The following TFB1M variants were observed in gnomAD, a reference collection of about 807,000 sequenced individuals.
TFB1M encodes dimethyladenosine transferase 1, mitochondrial.
Under a neutral mutation model 31.1 loss-of-function variants are expected in TFB1M, and 27 were observed. The observed-to-expected ratio is 0.87, with a 90% CI of 0.64 to 1.20. The LOEUF is 1.20. Among genes scored for constraint, TFB1M ranks in the 50% most tolerant of loss-of-function variants. TFB1M has a pLI of 0.00. For missense variants in TFB1M, 394 were observed against 418.7 expected (o/e 0.94, Z 0.51); for synonymous variants, 166 against 151.8 (o/e 1.09, Z -0.69).
chr6:155,304,956 A>T (rs758032460), intron 2 of TFB1M, among the ~76,000 whole-genome samples: 1 of 150,960 alleles, frequency 6.6e-6, no homozygotes, highest in Non-Finnish European at 1.5e-5. Context: ...TACTAAGGCA[A>T]TTCAATGAGG....
the TFB1M span, chr6:155,244,581 T>C: frequency 2.7e-6 from 4 of 1,504,424 alleles, no homozygotes; most frequent in Non-Finnish European, 3.6e-6. Context: ...TGTGATTTAT[T>C]TGTGGGCCTA....
intron 5 of TFB1M, among the ~76,000 whole-genome samples, chr6:155,265,459 T>C (rs1166439110): frequency 1.3e-5 from 2 of 151,634 alleles, no homozygotes; most frequent in East Asian, 3.9e-4. Context: ...GGTCAGTACA[T>C]TCGTATATTC....
chr6:155,287,673 G>A (rs1310587161), intron 4 of TFB1M, among the ~76,000 whole-genome samples: 1 of 151,942 alleles, frequency 6.6e-6, no homozygotes, highest in Non-Finnish European at 1.5e-5. Flanking sequence ...AGAAGGGAAA[G>A]AAAGGGGATA....
chr6:155,254,009 C>T (rs143636859), downstream of TFB1M: 337 of 1,614,020 alleles, frequency 2.1e-4, 1 homozygote, highest in African/African-American at 3.7e-3. Context: ...CTGATCCATA[C>T]GAAGTCAGAA....
chr6:155,244,828 G>A, the TFB1M span: 20 of 1,561,574 alleles, frequency 1.3e-5, no homozygotes, highest in Non-Finnish European at 4.3e-6. Context: ...ACGTGGCTAT[G>A]GTACGTATTT....
At chr6:155,275,062 C>CAA (rs748259610) in intron 5 of TFB1M, among the ~76,000 whole-genome samples, 13 of 133,448 alleles carry the variant, frequency 9.7e-5, no homozygotes, top group Admixed American at 8.2e-4. Context: ...ACTAAAAATA[C>CAA]AAAAAAAAAA....
downstream of TFB1M, chr6:155,252,998 A>C: frequency 1.2e-6 from 2 of 1,614,060 alleles, no homozygotes; most frequent in Non-Finnish European, 1.7e-6. Flanking sequence ...ACCCATTTAA[A>C]TTCCGCTGGT....
the TFB1M span, chr6:155,251,011 C>T: frequency 1.2e-6 from 2 of 1,613,884 alleles, no homozygotes; most frequent in Non-Finnish European, 1.7e-6. Context: ...ACCTTGAGCT[C>T]ACAGTATTTG....
At chr6:155,314,264 A>AG (rs767167939) in intron 1 of TFB1M, 32 bp downstream of exon 1, 2 of 1,611,272 alleles carry the variant, frequency 1.2e-6, no homozygotes, top group African/African-American at 2.7e-5. Context: ...GACACTGGGG[A>AG]GACATCCGGG....
intron 1 of TFB1M, among the ~76,000 whole-genome samples, chr6:155,312,296 C>CA (rs1778049735): frequency 1.3e-5 from 2 of 152,332 alleles, no homozygotes; most frequent in African/African-American, 4.8e-5. Context: ...AGGGAATTAG[C>CA]ATCCACTGAC....
Position 155,256,531 on chromosome 6 carries a change from T to C in TFB1M, c.*1305A>G, listed in dbSNP as rs771619500. ...CCTGAAGAATTCCTCCAGCAACGAG[T>C]GGACCGGTGAGACTGGCAAGGGAAC... On this transcript the variant is annotated 3_prime_UTR_variant, in exon 7 of 7. Coordinates refer to ENST00000367166, the MANE Select transcript of TFB1M (RefSeq NM_016020.4). 1.9e-6 allele frequency: 3 copies of C among 1,614,078 alleles called. No homozygotes were observed. The highest frequency in any genetic ancestry group is 2.5e-6 in the Non-Finnish European group (3 of 1,179,996).
intron 4 of TFB1M, among the ~76,000 whole-genome samples, chr6:155,293,257 T>G (rs1394249029): frequency 6.6e-6 from 1 of 152,134 alleles, no homozygotes; most frequent in African/African-American, 2.4e-5. Context: ...TAGAGATAAT[T>G]TTTTTTCATA....
chr6:155,294,721 G>A (rs1468283080), intron 4 of TFB1M, among the ~76,000 whole-genome samples: 1 of 152,172 alleles, frequency 6.6e-6, no homozygotes, highest in East Asian at 1.9e-4. Context: ...AATATAAACA[G>A]GCGTGATGAT....
At chr6:155,249,953 G>C in the TFB1M span, 14 of 1,613,462 alleles carry the variant, frequency 8.7e-6, no homozygotes, top group African/African-American at 1.3e-5. Context: ...GCTGAGCAGA[G>C]CGGAACAGAG....
chr6:155,251,064 GGATTACGGAAGAA>G, the TFB1M span: 1 of 1,569,528 alleles, frequency 6.4e-7, no homozygotes. Context: ...ACAGAGGCTG[GGATTACGGAAGAA>G]CTTCACTAGC....
chr6:155,262,485 C>T (rs1784435386), intron 5 of TFB1M, among the ~76,000 whole-genome samples: 1 of 152,150 alleles, frequency 6.6e-6, no homozygotes, highest in African/African-American at 2.4e-5. Context: ...CCCTGCCTCC[C>T]GTTCTCCAGG....
At chr6:155,279,065 A>G (rs1000543866) in intron 5 of TFB1M, among the ~76,000 whole-genome samples, 3 of 152,120 alleles carry the variant, frequency 2.0e-5, no homozygotes, top group African/African-American at 7.2e-5. Context: ...AATGCACAGG[A>G]CAGACTCTGG....
At chr6:155,305,528 ATTATATAT>A (rs1249987859) in intron 2 of TFB1M, among the ~76,000 whole-genome samples, 2 of 52,204 alleles carry the variant, frequency 3.8e-5, no homozygotes, top group Admixed American at 3.8e-4. Flanking sequence ...TATATATTAA[ATTATATAT>A]TTATATATAT....
the TFB1M span, among the ~76,000 whole-genome samples, chr6:155,245,357 AT>A: frequency 6.6e-6 from 1 of 152,150 alleles, no homozygotes; most frequent in Non-Finnish European, 1.5e-5. Context: ...TGTCAGCTGT[AT>A]TTTTGTAGAA....
Sources: allele counts gnomAD v4.1 joint callset (sites outside exome capture counted in the v4.1 genomes callset), GRCh38; gene constraint gnomAD v4.1.1; transcripts MANE v1.5; gene names NCBI Gene and HGNC (gene_info 2026-07-23, HGNC 2026-07-21).